PRKG1: variants seen among roughly 807,000 people sequenced by gnomAD.
PRKG1 encodes cGMP-dependent protein kinase 1.
In PRKG1, 35 loss-of-function variants were observed where a neutral mutation model predicts 88.1. The observed-to-expected ratio is 0.40, with a 90% CI of 0.30 to 0.53. PRKG1 has a LOEUF of 0.53. Among genes scored for constraint, PRKG1 ranks in the 20% least tolerant of loss-of-function variants. PRKG1 has a pLI of 0.59. For missense variants in PRKG1, 540 were observed against 839.8 expected (o/e 0.64, Z 4.41); for synonymous variants, 303 against 292.5 (o/e 1.04, Z -0.37).
chr10:51,329,544 G>T (rs1841677127), intron 2 of PRKG1, among the ~76,000 whole-genome samples: 1 of 152,176 alleles, frequency 6.6e-6, no homozygotes, highest in South Asian at 2.1e-4. Flanking sequence ...CAGAGTTTTT[G>T]TGATACTCAC....
intron 1 of PRKG1, among the ~76,000 whole-genome samples, chr10:51,143,878 T>C (rs1052298186): frequency 6.6e-6 from 1 of 152,112 alleles, no homozygotes; most frequent in Non-Finnish European, 1.5e-5. Context: ...TATTAAACCC[T>C]GGTCATGTGT....
intron 6 of PRKG1, among the ~76,000 whole-genome samples, chr10:52,061,337 T>C (rs1009771650): frequency 2.8e-4 from 42 of 152,110 alleles, no homozygotes; most frequent in African/African-American, 9.9e-4. Flanking sequence ...ATTCAGAAAC[T>C]TGAAGCACAG....
In PRKG1 at chr10:51,581,488, C is replaced by T. The variant is rs375874277; in HGVS notation, c.592+113652C>T. Among the ~76,000 whole-genome samples, 139 of 152,136 alleles carry T rather than the reference C, an allele frequency of 9.1e-4. No homozygotes were observed. In the East Asian group the frequency reaches 0.013, roughly 14 times the overall value. On this transcript the variant is annotated intron_variant, in intron 3 of 17. Transcript: ENST00000373980. ...TCCATATGGACAGGTGCCCCTCATG[C>T]GTCTGTTTATAGGCTCTCCACAAGG...
chr10:51,005,190 T>C (rs1050515606), intron 1 of PRKG1, among the ~76,000 whole-genome samples: 1 of 152,108 alleles, frequency 6.6e-6, no homozygotes, highest in Admixed American at 6.5e-5. Context: ...GGTAAAATCA[T>C]TTTGGGGGAG....
intron 3 of PRKG1, among the ~76,000 whole-genome samples, chr10:51,475,604 G>T (rs1840167514): frequency 6.6e-6 from 1 of 152,110 alleles, no homozygotes; most frequent in Non-Finnish European, 1.5e-5. Context: ...TTGCTGTTGA[G>T]CAGAGATATT....
At chr10:52,198,956 A>T (rs1839584822) in intron 9 of PRKG1, among the ~76,000 whole-genome samples, 1 of 152,136 alleles carries the variant, frequency 6.6e-6, no homozygotes, top group Non-Finnish European at 1.5e-5. Context: ...AGACTGCCAC[A>T]GAGAAGTTAA....
chr10:51,731,622 A>T (rs1298207073), intron 3 of PRKG1, among the ~76,000 whole-genome samples: 1 of 152,234 alleles, frequency 6.6e-6, no homozygotes, highest in Non-Finnish European at 1.5e-5. Flanking sequence ...GATCTGAATA[A>T]GAATAGGTCA....
chr10:51,408,563 ACCTG>A (rs894887482), intron 2 of PRKG1, among the ~76,000 whole-genome samples: 6 of 152,212 alleles, frequency 3.9e-5, no homozygotes, highest in Middle Eastern at 3.4e-3. Context: ...AATATAATCA[ACCTG>A]CCACCAGGTG....
intron 2 of PRKG1, among the ~76,000 whole-genome samples, chr10:51,354,168 G>A (rs1319457579): frequency 2.7e-5 from 4 of 146,478 alleles, no homozygotes; most frequent in African/African-American, 1.0e-4. Context: ...GGTCGTGATG[G>A]GGGCAGAGAG....
chr10:51,163,834 G>T (rs1846442651), intron 2 of PRKG1, among the ~76,000 whole-genome samples: 2 of 152,214 alleles, frequency 1.3e-5, no homozygotes, highest in South Asian at 4.1e-4. Context: ...GCCGCAGCGA[G>T]GCTGGGGGAG....
chr10:51,344,526 C>T (rs1842071478), intron 2 of PRKG1, among the ~76,000 whole-genome samples: 1 of 152,202 alleles, frequency 6.6e-6, no homozygotes, highest in African/African-American at 2.4e-5. Flanking sequence ...CCTCAACTCT[C>T]AATTTCTCTG....
chr10:51,950,341 G>C (rs1279015167), intron 5 of PRKG1, among the ~76,000 whole-genome samples: 1 of 152,216 alleles, frequency 6.6e-6, no homozygotes, highest in Non-Finnish European at 1.5e-5. Context: ...ATAAACTACA[G>C]ATCACCAAGT....
At chr10:52,207,457 C>T (rs1411590173) in intron 9 of PRKG1, among the ~76,000 whole-genome samples, 1 of 152,188 alleles carries the variant, frequency 6.6e-6, no homozygotes, top group Non-Finnish European at 1.5e-5. Context: ...GGCCCCATCC[C>T]ACAAGTAAGA....
intron 1 of PRKG1, among the ~76,000 whole-genome samples, chr10:51,061,059 G>GT (rs1280693589): frequency 4.4e-5 from 6 of 135,178 alleles, no homozygotes; most frequent in African/African-American, 1.1e-4. Flanking sequence ...TTATACCTAG[G>GT]GGTGTGTGTG....
intron 3 of PRKG1, among the ~76,000 whole-genome samples, chr10:51,742,895 G>A (rs968709440): frequency 1.1e-4 from 17 of 152,208 alleles, no homozygotes; most frequent in African/African-American, 4.1e-4. Flanking sequence ...TGGGGGGCAA[G>A]GGGAGAGAGA....
intron 3 of PRKG1, among the ~76,000 whole-genome samples, chr10:51,690,478 A>C (rs1003285140): frequency 6.6e-6 from 1 of 152,186 alleles, no homozygotes; most frequent in Non-Finnish European, 1.5e-5. Context: ...TGCCTGTTAT[A>C]TGAAAGTTTA....
At chr10:51,598,667 C>T (rs1205317726) in intron 3 of PRKG1, among the ~76,000 whole-genome samples, 2 of 152,072 alleles carry the variant, frequency 1.3e-5, no homozygotes, top group Admixed American at 1.3e-4. Context: ...TCAGTGGTCC[C>T]AGGCTATATG....
chr10:51,827,705 C>T (rs543433149), intron 4 of PRKG1, among the ~76,000 whole-genome samples: 1 of 152,174 alleles, frequency 6.6e-6, no homozygotes, highest in South Asian at 2.1e-4. Flanking sequence ...ATTGCTATGT[C>T]TTTCACTGCC....
chr10:52,024,935 C>T (rs1845293515), intron 5 of PRKG1, among the ~76,000 whole-genome samples: 1 of 152,190 alleles, frequency 6.6e-6, no homozygotes, highest in Non-Finnish European at 1.5e-5. Flanking sequence ...AACTAGTTTA[C>T]AATCCCACCA....
Sources: allele counts gnomAD v4.1 joint callset (sites outside exome capture counted in the v4.1 genomes callset), GRCh38; gene constraint gnomAD v4.1.1; transcripts MANE v1.5; gene names NCBI Gene and HGNC (gene_info 2026-07-23, HGNC 2026-07-21).